The following NRG3 variants were observed in gnomAD, a reference collection of about 807,000 sequenced individuals.
The protein encoded by NRG3 is pro-neuregulin-3, membrane-bound isoform.
NRG3 carries 31 observed loss-of-function variants against 66.9 expected under a neutral mutation model. That is an observed-to-expected ratio of 0.46 (90% CI 0.35 to 0.63). The LOEUF is 0.63. NRG3 is among the 20% of genes least tolerant of loss of function. NRG3 has a pLI of 0.00. For synonymous variants in NRG3, 393 were observed against 359.4 expected (o/e 1.09, Z -1.06); for missense variants, 910 against 878.9 (o/e 1.04, Z -0.45).
chr10:82,600,748 C>T (rs11594784), intron 2 of NRG3, among the ~76,000 whole-genome samples: 1 of 151,942 alleles, frequency 6.6e-6, no homozygotes, highest in Non-Finnish European at 1.5e-5. Flanking sequence ...AATTACAGGC[C>T]TGAGCCACTG....
At chr10:81,940,056 C>A (rs1848272516) in intron 1 of NRG3, among the ~76,000 whole-genome samples, 1 of 151,934 alleles carries the variant, frequency 6.6e-6, no homozygotes, top group South Asian at 2.1e-4. Context: ...GTATTATTTT[C>A]ATCTATTTGT....
rs375644973 is a variant in NRG3, at chr10:82,977,366, T to C, written c.1413-1584T>C. ...GCTCAAACCTGTAATCCCAGCACTTTGGGAGGCCTAGGTGGGTGGATCACC... is the reference window on the plus strand; with the variant it reads ...GCTCAAACCTGTAATCCCAGCACTTCGGGAGGCCTAGGTGGGTGGATCACC... On this transcript the variant is annotated intron_variant, in intron 7 of 8. Coordinates refer to ENST00000372141, the MANE Select transcript of NRG3 (RefSeq NM_001010848.4). Among the ~76,000 whole-genome samples the C allele has an allele frequency of 5.2e-4, 79 of 152,170 alleles. 1 individual carries two copies. In the East Asian group the frequency reaches 6.8e-3, roughly 13 times the overall value.
At chr10:82,122,872 G>T (rs1446076009) in intron 1 of NRG3, among the ~76,000 whole-genome samples, 1 of 151,942 alleles carries the variant, frequency 6.6e-6, no homozygotes, top group South Asian at 2.1e-4. Context: ...TTTACTACAT[G>T]ATGTCCGCTG....
At chr10:82,057,867 C>T (rs1001442435) in intron 1 of NRG3, among the ~76,000 whole-genome samples, 1 of 152,014 alleles carries the variant, frequency 6.6e-6, no homozygotes, top group Non-Finnish European at 1.5e-5. Context: ...TTTGCATGGC[C>T]GACTAAAACT....
intron 1 of NRG3, among the ~76,000 whole-genome samples, chr10:82,135,778 A>G (rs1299380728): frequency 6.6e-6 from 1 of 152,160 alleles, no homozygotes; most frequent in African/African-American, 2.4e-5. Context: ...TCCTTAAAAC[A>G]GCAATTTTGA....
At chr10:82,377,667 C>T (rs1404363628) in intron 2 of NRG3, among the ~76,000 whole-genome samples, 1 of 151,944 alleles carries the variant, frequency 6.6e-6, no homozygotes, top group Non-Finnish European at 1.5e-5. Context: ...GACTAGGAGA[C>T]CAGGAAGGAG....
intron 2 of NRG3, among the ~76,000 whole-genome samples, chr10:82,394,924 T>G (rs2135993897): frequency 6.6e-6 from 1 of 152,262 alleles, no homozygotes; most frequent in East Asian, 1.9e-4. Flanking sequence ...AATTCATCCC[T>G]TCCCAGTAGT....
intron 1 of NRG3, among the ~76,000 whole-genome samples, chr10:82,065,045 T>C (rs1341049734): frequency 1.3e-5 from 2 of 152,198 alleles, no homozygotes; most frequent in African/African-American, 4.8e-5. Context: ...AAATTAAATT[T>C]TCATTTCATA....
intron 1 of NRG3, among the ~76,000 whole-genome samples, chr10:81,988,015 TGTATA>T (rs1455523826): frequency 6.6e-6 from 1 of 151,986 alleles, no homozygotes; most frequent in Non-Finnish European, 1.5e-5. Context: ...AGAATAATCT[TGTATA>T]GTAAGTAATT....
At chr10:82,893,275 T>C (rs1843330637) in intron 4 of NRG3, among the ~76,000 whole-genome samples, 1 of 152,166 alleles carries the variant, frequency 6.6e-6, no homozygotes, top group African/African-American at 2.4e-5. Flanking sequence ...TGGAATAAAG[T>C]TAAAAATTAA....
intron 4 of NRG3, among the ~76,000 whole-genome samples, chr10:82,936,820 A>G (rs1848116855): frequency 6.6e-6 from 1 of 152,240 alleles, no homozygotes; most frequent in Admixed American, 6.5e-5. Context: ...ACATAGGAGT[A>G]GGTTACAAAG....
chr10:82,762,386 A>T (rs950308686), intron 3 of NRG3, among the ~76,000 whole-genome samples: 2 of 152,206 alleles, frequency 1.3e-5, no homozygotes, highest in Non-Finnish European at 2.9e-5. Flanking sequence ...AAATACTTGA[A>T]AAGTTTACCA....
At chr10:82,213,960 C>T (rs2075535450) in intron 1 of NRG3, among the ~76,000 whole-genome samples, 1 of 152,148 alleles carries the variant, frequency 6.6e-6, no homozygotes, top group African/African-American at 2.4e-5. Flanking sequence ...CACGTGGAGG[C>T]ACTGGGCTCT....
In NRG3 at chr10:82,576,202, C is replaced by G. The variant is rs190147505; in HGVS notation, c.954-162375C>G. On this transcript the variant is annotated intron_variant, in intron 2 of 8. Transcript: ENST00000372141. Reference sequence around the variant, plus strand: ...AATTTTGGCAGTCTCTTCTTTCCTGCCTTCTCTTTTGCTGGATGTTTTTAT... The same window carrying G: ...AATTTTGGCAGTCTCTTCTTTCCTGGCTTCTCTTTTGCTGGATGTTTTTAT... Among the ~76,000 whole-genome samples, 313 of 151,454 alleles carry G rather than the reference C, an allele frequency of 2.1e-3. 2 individuals carry two copies. Among genetic ancestry groups the G allele is most frequent in the Middle Eastern group, 6.8e-3 (2 of 294 alleles).
intron 1 of NRG3, among the ~76,000 whole-genome samples, chr10:82,016,341 T>C (rs1300800935): frequency 6.6e-6 from 1 of 151,992 alleles, no homozygotes; most frequent in East Asian, 1.9e-4. Context: ...AGTAAGAGTC[T>C]ACTTGAAAGA....
chr10:82,939,385 A>G (rs572313952), intron 4 of NRG3, among the ~76,000 whole-genome samples: 1 of 152,296 alleles, frequency 6.6e-6, no homozygotes, highest in African/African-American at 2.4e-5. Flanking sequence ...AAGATAAACT[A>G]TAGAGTATCA....
rs527303394 is a variant in NRG3, at chr10:82,001,879, G to A, written c.823+125716G>A. 3.3e-5 allele frequency among the ~76,000 whole-genome samples: 5 copies of A among 152,254 alleles called. No individual in the cohort carries two copies. The South Asian group carries it at 1.0e-3, about 32-fold the overall frequency. On this transcript the variant is annotated intron_variant, in intron 1 of 8. Coordinates refer to ENST00000372141, the MANE Select transcript of NRG3 (RefSeq NM_001010848.4). ...AGATGTATGTTTGGGACCTAATAAA[G>A]TTTCCTCCTCTGGTTTTAGAAACAG...
At chr10:81,981,549 C>A (rs1157942267) in intron 1 of NRG3, among the ~76,000 whole-genome samples, 2 of 152,096 alleles carry the variant, frequency 1.3e-5, no homozygotes, top group Non-Finnish European at 2.9e-5. Context: ...GAGTGACAGT[C>A]CTGTCTCTAT....
At chr10:82,913,810 A>G (rs760091223) in intron 4 of NRG3, among the ~76,000 whole-genome samples, 7 of 152,190 alleles carry the variant, frequency 4.6e-5, no homozygotes, top group Non-Finnish European at 8.8e-5. Flanking sequence ...GGTATTCTCC[A>G]GCTTCCTGGA....
Sources: allele counts gnomAD v4.1 joint callset (sites outside exome capture counted in the v4.1 genomes callset), GRCh38; gene constraint gnomAD v4.1.1; transcripts MANE v1.5; gene names NCBI Gene and HGNC (gene_info 2026-07-23, HGNC 2026-07-21).